Variants in CAMSAP2 observed in about 807,000 individuals in gnomAD.
The protein encoded by CAMSAP2 is calmodulin regulated spectrin associated protein family member 2.
In CAMSAP2, 26 loss-of-function variants were observed where a neutral mutation model predicts 146.1. The observed-to-expected ratio is 0.18, with a 90% CI of 0.13 to 0.25. The LOEUF is 0.25. Ranked by LOEUF, CAMSAP2 falls within the 10% of genes least tolerant of loss-of-function variation. CAMSAP2 has a pLI of 1.00. For missense variants in CAMSAP2, 1,381 were observed against 1,759.3 expected (o/e 0.78, Z 3.85); for synonymous variants, 499 against 596.6 (o/e 0.84, Z 2.38).
chr1:200,836,970 C>T (rs1221877476), intron 6 of CAMSAP2, among the ~76,000 whole-genome samples: 2 of 151,946 alleles, frequency 1.3e-5, no homozygotes, highest in Non-Finnish European at 2.9e-5. Flanking sequence ...TGTTTAAGTC[C>T]CTTATAGATG....
chr1:200,808,908 A>C (rs1666250939), intron 3 of CAMSAP2, among the ~76,000 whole-genome samples: 1 of 152,114 alleles, frequency 6.6e-6, no homozygotes, highest in Admixed American at 6.5e-5. Flanking sequence ...CCTGTTACTC[A>C]TTTGGTAACA....
At chr1:200,806,264 T>G (rs1666167181) in intron 2 of CAMSAP2, among the ~76,000 whole-genome samples, 1 of 152,186 alleles carries the variant, frequency 6.6e-6, no homozygotes, top group African/African-American at 2.4e-5. Flanking sequence ...GGCAAAAGAT[T>G]TGAGCAGGTA....
At chr1:200,851,484 C>T (rs1379981523) in intron 11 of CAMSAP2, among the ~76,000 whole-genome samples, 2 of 152,186 alleles carry the variant, frequency 1.3e-5, no homozygotes, top group Non-Finnish European at 2.9e-5. Flanking sequence ...CATGAGCCCC[C>T]GTGCCCAGCC....
chr1:200,827,604 A>G (rs567204744), intron 4 of CAMSAP2, among the ~76,000 whole-genome samples: 2 of 152,262 alleles, frequency 1.3e-5, no homozygotes, highest in Non-Finnish European at 2.9e-5. Context: ...GTTTATATGT[A>G]GGAAGCTGGT....
At chr1:200,766,311 TA>T (rs1373430160) in intron 2 of CAMSAP2, among the ~76,000 whole-genome samples, 1 of 151,984 alleles carries the variant, frequency 6.6e-6, no homozygotes, top group East Asian at 1.9e-4. Flanking sequence ...ACCTGGCTAA[TA>T]TTTTTTTATT....
intron 2 of CAMSAP2, among the ~76,000 whole-genome samples, chr1:200,770,665 C>T (rs574070085): frequency 6.6e-4 from 101 of 152,246 alleles, no homozygotes; most frequent in African/African-American, 1.9e-3. Flanking sequence ...CCACCCACCT[C>T]GGCCTCCCAA....
At chr1:200,741,864 T>A (rs571881559) in intron 1 of CAMSAP2, among the ~76,000 whole-genome samples, 1 of 152,206 alleles carries the variant, frequency 6.6e-6, no homozygotes, top group Admixed American at 6.5e-5. Flanking sequence ...AAGTCTCTGA[T>A]GTAGGTAGTG....
At position 200,852,599 on chromosome 1, in the gene CAMSAP2, G is replaced by T; in HGVS notation, c.3524G>T (p.Arg1175Ile). The T allele has an allele frequency of 6.2e-7, 1 of 1,613,754 alleles. No homozygotes were observed. The highest frequency in any genetic ancestry group is 8.5e-7 in the Non-Finnish European group (1 of 1,179,860). The change falls in exon 12 of 17, where the codon AGA becomes ATA. Residue 1175 changes from arginine (R) to isoleucine (I), a missense_variant. By Grantham distance (97) the Arg-to-Ile change is moderately conservative. This residue lies in a region of CAMSAP2 where 560 missense variants were observed against 715.9 expected (regional missense o/e 0.78). Transcript: ENST00000358823. Reference protein sequence around the residue: ...AMKRAALLEKRLRREKETQLR... With the variant: ...AMKRAALLEKILRREKETQLR... ...AAACGGGCAGCTTTGTTGGAGAAAA[G>T]ATTAAGAAGGGAAAAGGAAACTCAG...
chr1:200,780,857 A>G (rs1665410657), intron 2 of CAMSAP2, among the ~76,000 whole-genome samples: 2 of 152,228 alleles, frequency 1.3e-5, no homozygotes, highest in Admixed American at 6.5e-5. Context: ...GGTGGATATC[A>G]TGACTTTTTC....
At chr1:200,789,453 C>T (rs1665687708) in intron 2 of CAMSAP2, among the ~76,000 whole-genome samples, 1 of 151,798 alleles carries the variant, frequency 6.6e-6, no homozygotes, top group Non-Finnish European at 1.5e-5. Flanking sequence ...CACTGCATTG[C>T]CTTATTTGCT....
In CAMSAP2 at chr1:200,827,346, T is replaced by C. The variant is rs192600821; in HGVS notation, c.646-4854T>C. Reference sequence around the variant, plus strand: ...ACAATAATTTCTTGTTATCACCATTTTCTATTTAATGGGTTCTTCTAGTCT... The same window carrying C: ...ACAATAATTTCTTGTTATCACCATTCTCTATTTAATGGGTTCTTCTAGTCT... On this transcript the variant is annotated intron_variant, in intron 4 of 16. Transcript: ENST00000358823. Among the ~76,000 whole-genome samples the C allele has an allele frequency of 9.8e-5, 15 of 152,356 alleles. No homozygotes were observed. In the East Asian group the frequency reaches 2.9e-3, roughly 29 times the overall value.
At chr1:200,850,930 A>T (rs772840286) in intron 11 of CAMSAP2, among the ~76,000 whole-genome samples, 5 of 152,224 alleles carry the variant, frequency 3.3e-5, no homozygotes, top group Non-Finnish European at 5.9e-5. Flanking sequence ...ACATTCAGGG[A>T]CTTTCACAGA....
chr1:200,791,241 T>A (rs549079521), intron 2 of CAMSAP2, among the ~76,000 whole-genome samples: 59 of 152,364 alleles, frequency 3.9e-4, no homozygotes, highest in South Asian at 3.1e-3. Flanking sequence ...GTTATTCTTA[T>A]CAGATTTCCT....
rs184541646 is a variant in CAMSAP2, at chr1:200,785,822, A to C, written c.400-21554A>C. Among the ~76,000 whole-genome samples the C allele has an allele frequency of 5.3e-5, 8 of 152,128 alleles. No individual in the cohort carries two copies. The East Asian group carries it at 1.5e-3, about 29-fold the overall frequency. On this transcript the variant is annotated intron_variant, in intron 2 of 16. Coordinates refer to ENST00000358823, the MANE Select transcript of CAMSAP2 (RefSeq NM_203459.4). ...TGTGCCTCAGCTTCCCAAGTAGCTG[A>C]GATTAAAGGCATGTGCCACTACTCC...
intron 4 of CAMSAP2, among the ~76,000 whole-genome samples, chr1:200,816,609 T>A (rs200001299): frequency 0.33 from 32,718 of 100,518 alleles, 5,428 homozygotes; most frequent in Non-Finnish European, 0.34. Flanking sequence ...AAAAAAAATA[T>A]ATATATATAT....
intron 2 of CAMSAP2, among the ~76,000 whole-genome samples, chr1:200,768,020 T>C (rs948878702): frequency 2.6e-5 from 4 of 152,248 alleles, no homozygotes; most frequent in African/African-American, 9.6e-5. Context: ...ACAAAGACTC[T>C]TTTTAATAAA....
intron 2 of CAMSAP2, among the ~76,000 whole-genome samples, chr1:200,803,499 C>G (rs978176280): frequency 6.6e-6 from 1 of 152,002 alleles, no homozygotes; most frequent in Non-Finnish European, 1.5e-5. Context: ...TAGCTCCAAA[C>G]TGATTGATTT....
chr1:200,796,701 A>G (rs1392164443), intron 2 of CAMSAP2, among the ~76,000 whole-genome samples: 2 of 148,530 alleles, frequency 1.3e-5, no homozygotes, highest in African/African-American at 2.5e-5. Flanking sequence ...TTTAAGTTTT[A>G]GGGTACATGT....
chr1:200,753,726 T>A (rs1217113678), intron 1 of CAMSAP2, among the ~76,000 whole-genome samples: 1 of 152,214 alleles, frequency 6.6e-6, no homozygotes, highest in Non-Finnish European at 1.5e-5. Flanking sequence ...CCCTCTTTCG[T>A]ACTTCCCTTC....
Sources: allele counts gnomAD v4.1 joint callset (sites outside exome capture counted in the v4.1 genomes callset), GRCh38; gene constraint gnomAD v4.1.1; regional missense constraint gnomAD v4.1.1; transcripts MANE v1.5; gene names NCBI Gene and HGNC (gene_info 2026-07-23, HGNC 2026-07-21).